Variants in RAB3B observed in about 807,000 individuals in gnomAD.
RAB3B encodes RAB3B, member RAS oncogene family, also known as ras-related protein Rab-3B.
Under a neutral mutation model 20.5 loss-of-function variants are expected in RAB3B, and 11 were observed. The observed-to-expected ratio is 0.54, with a 90% confidence interval of 0.34 to 0.89. The LOEUF (loss-of-function observed/expected upper bound fraction) is 0.89, where lower values mean the gene tolerates loss of function less well. RAB3B is among the 40% of genes least tolerant of loss of function. The pLI, the probability that RAB3B is intolerant of heterozygous loss-of-function variation, is 0.02. For missense variants in RAB3B, 225 were observed against 280.9 expected (o/e 0.80, Z 1.42); for synonymous variants, 99 against 106.3 (o/e 0.93, Z 0.42).
intron 3 of RAB3B, among the ~76,000 whole-genome samples, chr1:51,934,582 TAAC>T (rs1004686695): frequency 4.0e-5 from 6 of 151,740 alleles, no homozygotes; most frequent in African/African-American, 1.5e-4. Flanking sequence ...CCATCCTAGC[TAAC>T]ATGGTGAAAC....
At chr1:51,936,626 T>C (rs1473693008) in intron 3 of RAB3B, among the ~76,000 whole-genome samples, 3 of 152,186 alleles carry the variant, frequency 2.0e-5, no homozygotes, top group African/African-American at 7.2e-5. Context: ...ACTCATTTTC[T>C]GGAACATCCT....
chr1:51,955,799 A>G (rs1571970351), intron 2 of RAB3B, among the ~76,000 whole-genome samples: 1 of 152,122 alleles, frequency 6.6e-6, no homozygotes, highest in Admixed American at 6.5e-5. Flanking sequence ...AGATAGAGAA[A>G]TCAGGAGTCC....
At position 51,911,618 on chromosome 1, in the gene RAB3B, G is replaced by A. The variant is rs895215813; in HGVS notation, c.*8309C>T. The A allele has an allele frequency of 6.6e-6, 1 of 151,790 alleles. No individual in the cohort carries two copies. Among genetic ancestry groups the A allele is most frequent in the African/African-American group, 2.4e-5 (1 of 41,332 alleles). 9.4% of individuals were successfully genotyped at this position (151,790 alleles called of 1,614,324 possible). On this transcript the variant is annotated 3_prime_UTR_variant, in exon 5 of 5. Coordinates refer to ENST00000371655, the MANE Select transcript of RAB3B (RefSeq NM_002867.4). ...AGCCAAGCCTCCAAACCAGAATCAG[G>A]GTCTAGAAAACCAGAGACCACACTC...
intron 2 of RAB3B, among the ~76,000 whole-genome samples, chr1:51,948,712 C>G (rs1684595242): frequency 6.6e-6 from 1 of 152,192 alleles, no homozygotes. Context: ...AAGTCACATG[C>G]TCCAATTATA....
chr1:51,918,896 T>G lies in RAB3B; in HGVS notation c.*1031A>C, dbSNP rs1684124612. Reference sequence around the variant, plus strand: ...GCCTGTTTCTCTTTTTCTCTGTTTGTCTTTCTTGAGCATACCTACTTGCTC... The same window carrying G: ...GCCTGTTTCTCTTTTTCTCTGTTTGGCTTTCTTGAGCATACCTACTTGCTC... On this transcript the variant is annotated 3_prime_UTR_variant, in exon 5 of 5. Coordinates refer to ENST00000371655, the MANE Select transcript of RAB3B (RefSeq NM_002867.4). The G allele has an allele frequency of 6.6e-6, 1 of 152,224 alleles. No individual in the cohort carries two copies. Among genetic ancestry groups the G allele is most frequent in the Non-Finnish European group, 1.5e-5 (1 of 68,044 alleles). The allele number at this position is 152,224 out of a possible 1,614,324, so 9.4% of individuals were successfully genotyped here. A position where few individuals can be genotyped will look rare whatever the true frequency, so the allele number is the denominator to read the frequency against.
intron 2 of RAB3B, among the ~76,000 whole-genome samples, chr1:51,942,034 C>T (rs1168721544): frequency 6.6e-6 from 1 of 152,226 alleles, no homozygotes; most frequent in Non-Finnish European, 1.5e-5. Flanking sequence ...TTGATCCACT[C>T]CTCCTATGCC....
intron 2 of RAB3B, among the ~76,000 whole-genome samples, chr1:51,945,621 G>A (rs1571966189): frequency 6.6e-6 from 1 of 152,156 alleles, no homozygotes; most frequent in African/African-American, 2.4e-5. Context: ...TACCACATAG[G>A]CATCAGCTAT....
intron 4 of RAB3B, among the ~76,000 whole-genome samples, chr1:51,931,935 C>T (rs1268079113): frequency 6.6e-6 from 1 of 151,964 alleles, no homozygotes; most frequent in Non-Finnish European, 1.5e-5. Context: ...CTAAAGGGAC[C>T]GTCTAAAGTT....
intron 1 of RAB3B, among the ~76,000 whole-genome samples, chr1:51,986,514 G>A (rs1685154336): frequency 6.6e-6 from 1 of 152,110 alleles, no homozygotes; most frequent in Non-Finnish European, 1.5e-5. Flanking sequence ...TTGGGAGGCT[G>A]AGGCTGGAAA....
At chr1:51,948,837 C>T (rs775946208) in intron 2 of RAB3B, among the ~76,000 whole-genome samples, 7 of 152,182 alleles carry the variant, frequency 4.6e-5, no homozygotes, top group African/African-American at 7.2e-5. Context: ...CTACCAGTGC[C>T]ACAAGAACAG....
intron 2 of RAB3B, among the ~76,000 whole-genome samples, chr1:51,940,468 CAA>C (rs1466372915): frequency 2.0e-5 from 3 of 151,968 alleles, no homozygotes; most frequent in African/African-American, 7.2e-5. Flanking sequence ...ATTAAAAATA[CAA>C]AAGTTAGCCA....
At chr1:51,942,763 T>A (rs970519025) in intron 2 of RAB3B, among the ~76,000 whole-genome samples, 1 of 152,230 alleles carries the variant, frequency 6.6e-6, no homozygotes, top group South Asian at 2.1e-4. Context: ...ATGTTTGTGG[T>A]GACCCTATCT....
At chr1:51,928,796 C>T (rs923585013) in intron 4 of RAB3B, among the ~76,000 whole-genome samples, 3 of 152,140 alleles carry the variant, frequency 2.0e-5, no homozygotes, top group African/African-American at 7.2e-5. Context: ...TGCTTTAACC[C>T]ACATTGGGAC....
rs573531142 is a variant in RAB3B at position 51,967,168 on chromosome 1, C to T, written c.228+9722G>A. Among the ~76,000 whole-genome samples, 4 of 152,146 alleles carry T rather than the reference C, an allele frequency of 2.6e-5. No homozygotes were observed. The South Asian group carries it at 8.3e-4, about 32-fold the overall frequency. On this transcript the variant is annotated intron_variant, in intron 2 of 4. Transcript: ENST00000371655. ...TCTCTACTAAAAATAGAAAAATCAG[C>T]CAGGCATGGTGGTACATGCCTGTAA...
chr1:51,944,350 AT>A (rs1221366582), intron 2 of RAB3B, among the ~76,000 whole-genome samples: 1 of 152,220 alleles, frequency 6.6e-6, no homozygotes, highest in Non-Finnish European at 1.5e-5. Context: ...CACCCAAGAT[AT>A]CTGATGGAGA....
chr1:51,931,424 C>T (rs1049872140), intron 4 of RAB3B, among the ~76,000 whole-genome samples: 1 of 152,142 alleles, frequency 6.6e-6, no homozygotes, highest in African/African-American at 2.4e-5. Context: ...CTCACTGGAT[C>T]GAGCTTATTC....
At chr1:51,970,079 AAACCC>A (rs1416787656) in intron 2 of RAB3B, among the ~76,000 whole-genome samples, 2 of 151,518 alleles carry the variant, frequency 1.3e-5, no homozygotes, top group African/African-American at 4.9e-5. Context: ...CAAAAAAAAA[AAACCC>A]AAAAAACAAA....
At chr1:51,965,442 T>C (rs1228247325) in intron 2 of RAB3B, among the ~76,000 whole-genome samples, 1 of 151,742 alleles carries the variant, frequency 6.6e-6, no homozygotes, top group East Asian at 1.9e-4. Flanking sequence ...AGGTCAGGAG[T>C]TCGAGACCAG....
At chr1:51,921,886 A>T (rs1053835778) in intron 4 of RAB3B, among the ~76,000 whole-genome samples, 4 of 151,996 alleles carry the variant, frequency 2.6e-5, no homozygotes, top group Middle Eastern at 3.4e-3. Context: ...CTTTCTCCCT[A>T]TTATTCCACC....
Sources: gnomAD v4.1 joint callset for allele counts (sites outside exome capture counted in the v4.1 genomes callset) on GRCh38, gnomAD v4.1.1 for gene constraint, MANE v1.5 for transcripts, NCBI Gene and HGNC (gene_info 2026-07-23, HGNC 2026-07-21) for gene names.